SLC16A4: variants seen among roughly 807,000 people sequenced by gnomAD.
The protein encoded by SLC16A4 is probable monocarboxylate transporter 5.
In SLC16A4, 39 loss-of-function variants were observed where a neutral mutation model predicts 47.9. The ratio of observed to expected loss-of-function variants is 0.81; its 90% CI spans 0.63 to 1.06. The LOEUF (loss-of-function observed/expected upper bound fraction) is 1.06, where lower values mean the gene tolerates loss of function less well. Ranked by LOEUF, SLC16A4 falls within the 50% of genes least tolerant of loss-of-function variation. The probability of loss-of-function intolerance (pLI) is 0.00; values close to 1 mark genes in which losing one functional copy is unlikely to be tolerated. For synonymous variants in SLC16A4, 189 were observed against 199.9 expected, an observed-to-expected ratio of 0.95 and a Z score of 0.46; for missense variants, 524 against 573.8, an observed-to-expected ratio of 0.91 and a Z score of 0.89.
intron 7 of SLC16A4, among the ~76,000 whole-genome samples, chr1:110,375,902 C>T (rs1661971580): frequency 6.6e-6 from 1 of 152,060 alleles, no homozygotes; most frequent in African/African-American, 2.4e-5. Context: ...CTTTTTGAGA[C>T]AGGGTTTCAC....
intron 3 of SLC16A4, among the ~76,000 whole-genome samples, chr1:110,382,625 CT>C (rs1312086315): frequency 6.6e-6 from 1 of 152,108 alleles, no homozygotes; most frequent in East Asian, 1.9e-4. Context: ...AATTCCTCAG[CT>C]TTCTTTGTTT....
chr1:110,370,495 G>C (rs1292137751), intron 8 of SLC16A4: 2 of 152,162 alleles, frequency 1.3e-5, no homozygotes, highest in Non-Finnish European at 2.9e-5. Context: ...GATAGGAAAT[G>C]ACCTATCATT....
At chr1:110,384,645 G>A (rs972715577) in intron 2 of SLC16A4, among the ~76,000 whole-genome samples, 2 of 152,190 alleles carry the variant, frequency 1.3e-5, no homozygotes, top group South Asian at 4.1e-4. Context: ...TGTACTCTCT[G>A]TCTCCAGGGG....
intron 7 of SLC16A4, among the ~76,000 whole-genome samples, chr1:110,375,883 A>G (rs1158321123): frequency 6.6e-6 from 1 of 152,050 alleles, no homozygotes; most frequent in Non-Finnish European, 1.5e-5. Flanking sequence ...ATGAATTAAT[A>G]GTGATATTCT....
At chr1:110,384,122 T>G (rs571135994) in intron 2 of SLC16A4, among the ~76,000 whole-genome samples, 31 of 152,278 alleles carry the variant, frequency 2.0e-4, no homozygotes, top group Admixed American at 2.0e-3. Context: ...CCTGGCACTC[T>G]TTTACTGCCC....
intron 1 of SLC16A4, among the ~76,000 whole-genome samples, chr1:110,389,610 C>T (rs1181335068): frequency 6.6e-6 from 1 of 152,200 alleles, no homozygotes; most frequent in East Asian, 1.9e-4. Flanking sequence ...TTTATGTTCA[C>T]TGCAGCATTA....
At chr1:110,390,734 T>A (rs531349821) in intron 1 of SLC16A4, 131 bp downstream of exon 1, 1 of 152,322 alleles carries the variant, frequency 6.6e-6, no homozygotes, top group East Asian at 1.9e-4. Context: ...GAAGGCTGAC[T>A]GTTTCTAACT....
intron 5 of SLC16A4, among the ~76,000 whole-genome samples, chr1:110,379,576 T>G (rs1662238258): frequency 6.7e-6 from 1 of 149,246 alleles, no homozygotes; most frequent in South Asian, 2.1e-4. Flanking sequence ...ATAGATGGGA[T>G]AAAAGGAGAG....
intron 2 of SLC16A4, among the ~76,000 whole-genome samples, chr1:110,388,110 GT>G (rs559465016): frequency 2.7e-4 from 41 of 150,866 alleles, no homozygotes; most frequent in Non-Finnish European, 4.6e-4. Flanking sequence ...AGAAAAGGGT[GT>G]TTTTTTTTGA....
chr1:110,388,180 C>A (rs895616172), intron 2 of SLC16A4, among the ~76,000 whole-genome samples: 1 of 152,094 alleles, frequency 6.6e-6, no homozygotes, highest in Non-Finnish European at 1.5e-5. Flanking sequence ...GCTGGTGCCA[C>A]TCTCTGGAGA....
chr1:110,374,800 T>C (rs758371275), intron 8 of SLC16A4, among the ~76,000 whole-genome samples: 65 of 152,198 alleles, frequency 4.3e-4, no homozygotes, highest in Non-Finnish European at 8.5e-4. Flanking sequence ...AGGCCAAGTA[T>C]CCTCCCATCC....
At chr1:110,389,929 A>C (rs1264200513) in intron 1 of SLC16A4, among the ~76,000 whole-genome samples, 1 of 152,148 alleles carries the variant, frequency 6.6e-6, no homozygotes, top group South Asian at 2.1e-4. Flanking sequence ...AAAACTCCCT[A>C]TTGGATGCTG....
At chr1:110,370,866 G>A (rs1661651727) in intron 8 of SLC16A4, 1 of 152,146 alleles carries the variant, frequency 6.6e-6, no homozygotes, top group African/African-American at 2.4e-5. Context: ...TCAATTAAAG[G>A]TAAGAAAATA....
At position 110,378,834 on chromosome 1, in the gene SLC16A4, C is replaced by G. The variant is rs557315136; in HGVS notation, c.1030+19G>C. Reference sequence around the variant, plus strand: ...TTGATCTTTCCTTTTGGGTAGGAGGCTGATGTAGGCTTTCTTACCTGCTAC... The same window carrying G: ...TTGATCTTTCCTTTTGGGTAGGAGGGTGATGTAGGCTTTCTTACCTGCTAC... On this transcript the variant is annotated intron_variant, in intron 6 of 8. Transcript: ENST00000369779. 6 of 1,573,938 alleles carry G rather than the reference C, an allele frequency of 3.8e-6. No homozygotes were observed. The South Asian group carries it at 5.9e-5, about 16-fold the overall frequency.
At chr1:110,375,607 C>A (rs1661956077) in intron 7 of SLC16A4, 56 bp from the exon 8 acceptor site, 1 of 955,310 alleles carries the variant, frequency 1.0e-6, no homozygotes. Flanking sequence ...CTATAGAGAC[C>A]TATGCCTAAA....
At chr1:110,370,359 T>C (rs1462272329) in intron 8 of SLC16A4, 12 of 152,134 alleles carry the variant, frequency 7.9e-5, no homozygotes, top group Admixed American at 7.9e-4. Flanking sequence ...TTTTAGGCCA[T>C]AGAGAAATTC....
At chr1:110,382,808 C>T in intron 3 of SLC16A4, 26 bp downstream of exon 3, 1 of 1,546,500 alleles carries the variant, frequency 6.5e-7, no homozygotes, top group Non-Finnish European at 8.8e-7. Flanking sequence ...TCTCCTTAGA[C>T]AGCAAGCTTA....
At chr1:110,368,648 T>C (rs1018228696) in intron 8 of SLC16A4, among the ~76,000 whole-genome samples, 11 of 152,216 alleles carry the variant, frequency 7.2e-5, no homozygotes, top group Admixed American at 6.5e-4. Context: ...TAGGCAGAAA[T>C]GTCTAGTAAT....
At chr1:110,367,184 A>T (rs1661442245) in intron 8 of SLC16A4, among the ~76,000 whole-genome samples, 1 of 152,254 alleles carries the variant, frequency 6.6e-6, no homozygotes, top group African/African-American at 2.4e-5. Flanking sequence ...ATAACTAGCC[A>T]TTCTCTACTG....
Sources: allele counts gnomAD v4.1 joint callset (sites outside exome capture counted in the v4.1 genomes callset), GRCh38; gene constraint gnomAD v4.1.1; transcripts MANE v1.5; gene names NCBI Gene and HGNC (gene_info 2026-07-23, HGNC 2026-07-21).